CNTNAP2: variants seen among roughly 807,000 people sequenced by gnomAD.
CNTNAP2 encodes contactin-associated protein-like 2.
A neutral mutation model predicts 155.2 loss-of-function variants in CNTNAP2; 98 were observed. The ratio of observed to expected loss-of-function variants is 0.63; its 90% CI spans 0.54 to 0.75. CNTNAP2 has a LOEUF of 0.75. CNTNAP2 is among the 30% of genes least tolerant of loss of function. CNTNAP2 has a pLI of 0.00. For missense variants in CNTNAP2, 1,727 were observed against 1,688.1 expected, an observed-to-expected ratio of 1.02 and a Z score of -0.40; for synonymous variants, 651 against 631.2, an observed-to-expected ratio of 1.03 and a Z score of -0.47.
chr7:147,848,737 T>G (rs1368737483), intron 13 of CNTNAP2, among the ~76,000 whole-genome samples: 1 of 152,168 alleles, frequency 6.6e-6, no homozygotes, highest in Non-Finnish European at 1.5e-5. Context: ...TAACTAAATA[T>G]TTAATTTCCT....
intron 3 of CNTNAP2, among the ~76,000 whole-genome samples, chr7:146,995,582 A>C (rs1484107474): frequency 2.0e-5 from 3 of 152,076 alleles, no homozygotes; most frequent in African/African-American, 7.2e-5. Context: ...TGCTGTGATG[A>C]ATAATGATAT....
At chr7:148,105,038 T>C (rs1223386860) in intron 15 of CNTNAP2, among the ~76,000 whole-genome samples, 1 of 152,312 alleles carries the variant, frequency 6.6e-6, no homozygotes, top group East Asian at 1.9e-4. Flanking sequence ...AGCTAGATAT[T>C]ACAGTTAGAA....
intron 11 of CNTNAP2, among the ~76,000 whole-genome samples, chr7:147,522,677 A>G (rs1391466907): frequency 3.3e-5 from 5 of 152,016 alleles, no homozygotes; most frequent in Non-Finnish European, 7.4e-5. Context: ...TTGGGGGAAA[A>G]AAGTTTGAAA....
intron 1 of CNTNAP2, among the ~76,000 whole-genome samples, chr7:146,451,853 T>TATATATATACGTG (rs1306006293): frequency 2.3e-5 from 3 of 132,990 alleles, no homozygotes; most frequent in African/African-American, 9.0e-5. Flanking sequence ...TATACACGTA[T>TATATATATACGTG]TCTATATATA....
chr7:147,412,265 C>G (rs1317846902), intron 10 of CNTNAP2, among the ~76,000 whole-genome samples: 1 of 152,228 alleles, frequency 6.6e-6, no homozygotes, highest in Non-Finnish European at 1.5e-5. Flanking sequence ...CCTCCATCCC[C>G]TCTAGCCACG....
rs143949678 is a variant in CNTNAP2, at chr7:146,837,727, G to T, written c.209-1984G>T. On this transcript the variant is annotated intron_variant, in intron 2 of 23. Transcript: ENST00000361727. ...TGTTCCATCAAAAAATTAATTTTTG[G>T]TCAGATTTATCTTTTTCAGTAACCT... is the stretch of plus-strand genomic sequence containing the variant. 1.6e-4 allele frequency among the ~76,000 whole-genome samples: 24 copies of T among 152,170 alleles called. No individual in the cohort carries two copies. In the East Asian group the frequency reaches 4.6e-3, roughly 29 times the overall value.
rs771382776 is a variant in CNTNAP2 at position 148,026,317 on chromosome 7, G to T, written c.2383+48328G>T. ...AAAATTTTTTTTAAATTAGTGTGATGGTGCAGGCCTATAGTCACAGCTACT... is the reference window on the plus strand; with the variant it reads ...AAAATTTTTTTTAAATTAGTGTGATTGTGCAGGCCTATAGTCACAGCTACT... On this transcript the variant is annotated intron_variant, in intron 15 of 23. Transcript: ENST00000361727. Among the ~76,000 whole-genome samples, 122 of 151,474 alleles carry T rather than the reference G, an allele frequency of 8.1e-4. 1 individual carries two copies. Among genetic ancestry groups the T allele is most frequent in the Non-Finnish European group, 2.1e-4 (14 of 67,954 alleles).
intron 2 of CNTNAP2, among the ~76,000 whole-genome samples, chr7:146,781,058 C>G (rs1447354397): frequency 6.6e-6 from 1 of 151,908 alleles, no homozygotes; most frequent in Non-Finnish European, 1.5e-5. Context: ...GAAATCCCGT[C>G]TCTACTAAAA....
chr7:147,653,395 T>G (rs1399565327), intron 13 of CNTNAP2, among the ~76,000 whole-genome samples: 1 of 152,146 alleles, frequency 6.6e-6, no homozygotes, highest in Non-Finnish European at 1.5e-5. Context: ...AGATCAGAAA[T>G]CACCAGCTTG....
chr7:148,203,008 T>C (rs1795391508), intron 18 of CNTNAP2, among the ~76,000 whole-genome samples: 1 of 152,230 alleles, frequency 6.6e-6, no homozygotes, highest in African/African-American at 2.4e-5. Flanking sequence ...CGATAAATCA[T>C]AATCCTTCAG....
At chr7:147,925,135 A>AAG (rs369044394) in intron 14 of CNTNAP2, among the ~76,000 whole-genome samples, 6,895 of 77,678 alleles carry the variant, frequency 0.089, 642 homozygotes, top group Admixed American at 0.12. Context: ...AGAAAGAGAG[A>AAG]AGAGAGAGAG....
chr7:146,888,615 A>G (rs1015440534), intron 3 of CNTNAP2, among the ~76,000 whole-genome samples: 7 of 152,042 alleles, frequency 4.6e-5, no homozygotes, highest in South Asian at 2.1e-4. Context: ...CATCTTGATA[A>G]GAATTTGGTC....
At chr7:147,855,568 C>T (rs1176036450) in intron 13 of CNTNAP2, among the ~76,000 whole-genome samples, 1 of 151,780 alleles carries the variant, frequency 6.6e-6, no homozygotes, top group Admixed American at 6.6e-5. Flanking sequence ...GGACAGATCA[C>T]GTGAGATCAG....
chr7:147,842,582 C>CT (rs1563108253), intron 13 of CNTNAP2, among the ~76,000 whole-genome samples: 4 of 55,162 alleles, frequency 7.3e-5, no homozygotes, highest in Admixed American at 3.3e-4. Flanking sequence ...TTACTTTTTA[C>CT]TTTTCTTTTT....
chr7:148,286,768 C>T (rs532559574), intron 21 of CNTNAP2, among the ~76,000 whole-genome samples: 18 of 152,280 alleles, frequency 1.2e-4, no homozygotes, highest in South Asian at 4.1e-4. Context: ...TTTAACTTTA[C>T]AGCCTTTTCA....
chr7:146,641,199 G>T (rs779270744), intron 1 of CNTNAP2, among the ~76,000 whole-genome samples: 14 of 152,032 alleles, frequency 9.2e-5, no homozygotes, highest in Non-Finnish European at 1.5e-4. Context: ...TGGTGGCGGG[G>T]GCCTGTAGTC....
chr7:146,966,654 T>C (rs1373116249), intron 3 of CNTNAP2, among the ~76,000 whole-genome samples: 2 of 152,150 alleles, frequency 1.3e-5, no homozygotes, highest in Non-Finnish European at 2.9e-5. Flanking sequence ...CAAGTATATA[T>C]GGAGGATGGG....
chr7:146,697,881 A>G (rs988668213), intron 1 of CNTNAP2, among the ~76,000 whole-genome samples: 12 of 152,126 alleles, frequency 7.9e-5, no homozygotes, highest in African/African-American at 2.9e-4. Flanking sequence ...TTTGTTTTAC[A>G]TACTTTCCTG....
intron 22 of CNTNAP2, among the ~76,000 whole-genome samples, chr7:148,386,469 A>G (rs1050235445): frequency 1.3e-5 from 2 of 152,220 alleles, no homozygotes; most frequent in Admixed American, 6.5e-5. Flanking sequence ...CAGAGGTTGC[A>G]CTGAGCTGAG....
Sources: gnomAD v4.1 joint callset for allele counts (sites outside exome capture counted in the v4.1 genomes callset) on GRCh38, gnomAD v4.1.1 for gene constraint, MANE v1.5 for transcripts, NCBI Gene and HGNC (gene_info 2026-07-23, HGNC 2026-07-21) for gene names.